The following ZPBP variants were observed in gnomAD, a reference collection of about 807,000 sequenced individuals.
The protein encoded by ZPBP is zona pellucida binding protein.
In ZPBP, 26 loss-of-function variants were observed where a neutral mutation model predicts 44.8. The observed-to-expected ratio is 0.58, with a 90% CI of 0.43 to 0.81. The LOEUF (loss-of-function observed/expected upper bound fraction) is 0.81. Ranked by LOEUF, ZPBP falls within the 30% of genes least tolerant of loss-of-function variation. ZPBP has a pLI of 0.00. For synonymous variants in ZPBP, 174 were observed against 153.2 expected, an observed-to-expected ratio of 1.14 and a Z score of -1.00; for missense variants, 409 against 434.0, an observed-to-expected ratio of 0.94 and a Z score of 0.51.
chr7:49,987,213 A>G (rs1049893783), intron 6 of ZPBP, among the ~76,000 whole-genome samples: 2 of 152,188 alleles, frequency 1.3e-5, no homozygotes, highest in Admixed American at 6.5e-5. Flanking sequence ...GTCAGGTAAT[A>G]AGGGATTTAA....
intron 4 of ZPBP, among the ~76,000 whole-genome samples, chr7:50,052,983 C>G (rs1044692491): frequency 6.6e-6 from 1 of 152,052 alleles, no homozygotes. Flanking sequence ...CACAAGGTAT[C>G]CTTGTCTTGA....
chr7:49,925,011 C>T (rs2128748438), intron 1 of ZPBP, among the ~76,000 whole-genome samples: 2 of 152,358 alleles, frequency 1.3e-5, no homozygotes, highest in Middle Eastern at 3.4e-3. Context: ...TAAACAACTA[C>T]CTACCTCTGA....
chr7:49,925,205 A>G (rs1488098336), intron 1 of ZPBP, among the ~76,000 whole-genome samples: 1 of 152,058 alleles, frequency 6.6e-6, no homozygotes, highest in Non-Finnish European at 1.5e-5. Context: ...CAGCCTTCCT[A>G]TTAGCCTCTG....
intron 2 of ZPBP, among the ~76,000 whole-genome samples, chr7:49,888,174 C>A (rs1791978312): frequency 6.6e-6 from 1 of 152,126 alleles, no homozygotes; most frequent in Non-Finnish European, 1.5e-5. Flanking sequence ...TTTTTCTGGA[C>A]CTTTTAAAAA....
downstream of ZPBP, among the ~76,000 whole-genome samples, chr7:49,935,561 G>T (rs1250080187): frequency 1.3e-5 from 2 of 152,032 alleles, no homozygotes; most frequent in Non-Finnish European, 2.9e-5. Context: ...ACCACGCCCG[G>T]CTAATTTTTG....
intron 1 of ZPBP, among the ~76,000 whole-genome samples, chr7:50,092,384 T>G (rs1386645505): frequency 6.6e-6 from 1 of 152,222 alleles, no homozygotes; most frequent in Admixed American, 6.5e-5. Context: ...TTTATATTCT[T>G]GGAGGACTTC....
At chr7:49,914,826 G>A (rs185116841) in intron 1 of ZPBP, 99 of 152,242 alleles carry the variant, frequency 6.5e-4, no homozygotes, top group African/African-American at 2.4e-3. Context: ...AAATAATATG[G>A]TTTGGAGATA....
intron 6 of ZPBP, among the ~76,000 whole-genome samples, chr7:49,993,700 G>A (rs2128789844): frequency 1.3e-5 from 2 of 152,330 alleles, no homozygotes; most frequent in Admixed American, 1.3e-4. Context: ...ATGGTGCCAT[G>A]TAAAAGGGTT....
chr7:49,907,190 T>TA (rs1402778595), intron 1 of ZPBP, among the ~76,000 whole-genome samples: 1 of 152,136 alleles, frequency 6.6e-6, no homozygotes, highest in African/African-American at 2.4e-5. Context: ...TGCTTATTCT[T>TA]AAAAAAAGTT....
intron 2 of ZPBP, among the ~76,000 whole-genome samples, chr7:49,875,610 C>T (rs1243333346): frequency 1.3e-5 from 2 of 151,824 alleles, no homozygotes; most frequent in African/African-American, 4.8e-5. Flanking sequence ...GGTGGAAACC[C>T]ACCGCCTTCC....
At chr7:50,015,042 G>A (rs184340109) in intron 6 of ZPBP, among the ~76,000 whole-genome samples, 5 of 152,200 alleles carry the variant, frequency 3.3e-5, no homozygotes, top group Non-Finnish European at 5.9e-5. Flanking sequence ...ACCATTGCCT[G>A]CAAATTCTGA....
intron 5 of ZPBP, among the ~76,000 whole-genome samples, chr7:50,023,777 G>A (rs954916454): frequency 1.3e-5 from 2 of 152,040 alleles, no homozygotes; most frequent in Admixed American, 6.6e-5. Flanking sequence ...TGCAAGAACA[G>A]AATGGATAAT....
intron 1 of ZPBP, among the ~76,000 whole-genome samples, chr7:49,901,890 G>A (rs1267325123): frequency 2.0e-5 from 3 of 152,010 alleles, no homozygotes; most frequent in Admixed American, 6.6e-5. Context: ...TGCTAACACT[G>A]TTAGCTAACA....
intron 7 of ZPBP, among the ~76,000 whole-genome samples, chr7:49,981,553 A>AAATTATATATTATAT (rs1796941325): frequency 1.3e-5 from 1 of 77,814 alleles, no homozygotes; most frequent in Non-Finnish European, 2.3e-5. Context: ...ATAATTATAT[A>AAATTATATATTATAT]AATTATATAT....
chr7:49,898,496 C>T (rs1275544552), intron 2 of ZPBP, among the ~76,000 whole-genome samples: 1 of 152,046 alleles, frequency 6.6e-6, no homozygotes, highest in Non-Finnish European at 1.5e-5. Context: ...GTTTTTATTA[C>T]TCCTTCACTT....
chr7:50,028,980 C>T (rs371748946), intron 5 of ZPBP, among the ~76,000 whole-genome samples: 3 of 151,976 alleles, frequency 2.0e-5, no homozygotes, highest in East Asian at 3.9e-4. Flanking sequence ...TTGTCAGAAA[C>T]GGAAGAGATG....
Position 50,056,764 on chromosome 7 carries a change from C to A in ZPBP, c.487+1225G>T, listed in dbSNP as rs143034477. Among the ~76,000 whole-genome samples, 838 of 152,272 alleles carry A rather than the reference C, an allele frequency of 5.5e-3. 3 individuals carry two copies. Among genetic ancestry groups the A allele is most frequent in the African/African-American group, 0.019 (791 of 41,556 alleles). ...GCATTTCGAGGAAATCACCTCTCTT[C>A]TAATTACAAGCAGCCAGAAAGAGCA... On this transcript the variant is annotated intron_variant, in intron 4 of 7. Transcript: ENST00000046087.
chr7:50,026,966 A>C (rs552353626), intron 5 of ZPBP, among the ~76,000 whole-genome samples: 1 of 152,144 alleles, frequency 6.6e-6, no homozygotes, highest in Admixed American at 6.6e-5. Context: ...TCAACCTTTC[A>C]ATAGACAGAG....
At chr7:49,949,562 A>T (rs1019029840) in intron 7 of ZPBP, among the ~76,000 whole-genome samples, 1 of 152,058 alleles carries the variant, frequency 6.6e-6, no homozygotes, top group Non-Finnish European at 1.5e-5. Context: ...CACTTATATG[A>T]GGTATCTAGA....
Sources: allele counts gnomAD v4.1 joint callset (sites outside exome capture counted in the v4.1 genomes callset), GRCh38; gene constraint gnomAD v4.1.1; transcripts MANE v1.5; gene names NCBI Gene and HGNC (gene_info 2026-07-23, HGNC 2026-07-21).